ENTPD6: variants seen among roughly 807,000 people sequenced by gnomAD.
ENTPD6 encodes ectonucleoside triphosphate diphosphohydrolase 6, also known as CD39 antigen-like 2.
In ENTPD6, 46 loss-of-function variants were observed where a neutral mutation model predicts 61.5. The observed-to-expected ratio is 0.75, with a 90% CI of 0.59 to 0.96. The LOEUF (loss-of-function observed/expected upper bound fraction) is 0.96, where lower values mean the gene tolerates loss of function less well. Among genes scored for constraint, ENTPD6 ranks in the 40% least tolerant of loss-of-function variants. ENTPD6 has a pLI of 0.00. For missense variants in ENTPD6, 612 were observed against 629.0 expected (o/e 0.97, Z 0.29); for synonymous variants, 252 against 255.5 (o/e 0.99, Z 0.13).
intron 13 of ENTPD6, 68 bp from the exon 14 acceptor site, chr20:25,225,137 T>A (rs750410947): frequency 1.6e-5 from 24 of 1,547,040 alleles, no homozygotes; most frequent in Non-Finnish European, 2.1e-5. Flanking sequence ...GGAATTGGGG[T>A]CTGCACTTGC....
intron 4 of ENTPD6, among the ~76,000 whole-genome samples, chr20:25,211,401 C>G (rs1445748178): frequency 6.6e-6 from 1 of 152,200 alleles, no homozygotes; most frequent in Non-Finnish European, 1.5e-5. Context: ...AATGTCCACG[C>G]TCCCCAGGGT....
chr20:25,218,455 TC>T (rs1284361680), intron 9 of ENTPD6, 94 bp from the exon 10 acceptor site: 11 of 1,150,366 alleles, frequency 9.6e-6, no homozygotes, highest in Non-Finnish European at 1.3e-5. Context: ...TGCTGCAAGC[TC>T]CCCCTTCCCC....
chr20:25,227,910 G>A lies in ENTPD6; in HGVS notation c.*2313G>A, dbSNP rs1363669357. On this transcript the variant is annotated 3_prime_UTR_variant, in exon 15 of 15. Transcript: ENST00000376652. ...GCCATTCTGGCAGATTTAAAAAAAT[G>A]ATAACTGGTAGTTTTAATATGCATG... is the stretch of plus-strand genomic sequence containing the variant. 6.6e-6 allele frequency among the ~76,000 whole-genome samples: 1 copy of A among 152,240 alleles called. No individual in the cohort carries two copies. The highest frequency in any genetic ancestry group is 2.4e-5 in the African/African-American group (1 of 41,468).
intron 6 of ENTPD6, among the ~76,000 whole-genome samples, chr20:25,215,395 GCTT>G (rs965601551): frequency 9.9e-5 from 15 of 152,150 alleles, no homozygotes; most frequent in African/African-American, 3.6e-4. Flanking sequence ...TTCTTTTTCT[GCTT>G]CTTCCAAAAA....
intron 4 of ENTPD6, 100 bp downstream of exon 4, chr20:25,210,025 G>A: frequency 9.2e-7 from 1 of 1,083,950 alleles, no homozygotes; most frequent in Middle Eastern, 2.1e-4. Context: ...AAGGAAGGGG[G>A]CTTTGACAGT....
intron 1 of ENTPD6, among the ~76,000 whole-genome samples, chr20:25,203,010 C>A (rs1334459365): frequency 2.0e-5 from 3 of 152,190 alleles, no homozygotes; most frequent in African/African-American, 4.8e-5. Flanking sequence ...GTCTTAATTT[C>A]TCCCTCATTT....
chr20:25,217,554 A>G lies in ENTPD6; in HGVS notation c.851A>G (p.Asn284Ser), dbSNP rs149104894. Reference protein sequence around the residue: ...PGYLTALRMFNRTYKLYSYSY... With the variant: ...PGYLTALRMFSRTYKLYSYSY... ...TACCTGACGGCACTGCGGATGTTTA[A>G]CAGGACCTACAAGCTCTATTCCTAC... The change falls in exon 9 of 15, where the codon AAC becomes AGC. Residue 284 changes from asparagine to serine, a missense_variant. Physicochemically the swap from Asn to Ser is conservative, Grantham distance 46. Transcript: ENST00000376652. The G allele has an allele frequency of 1.5e-4, 242 of 1,614,110 alleles. No individual in the cohort carries two copies. The African/African-American group carries it at 2.9e-3, about 20-fold the overall frequency.
At chr20:25,220,909 T>A (rs953306920) in intron 10 of ENTPD6, among the ~76,000 whole-genome samples, 2 of 152,232 alleles carry the variant, frequency 1.3e-5, no homozygotes, top group Non-Finnish European at 2.9e-5. Flanking sequence ...ACTCACAGCC[T>A]CAGTCACCTA....
chr20:25,215,850 T>C (rs991389735), intron 7 of ENTPD6, 139 bp downstream of exon 7: 6 of 922,502 alleles, frequency 6.5e-6, no homozygotes, highest in Non-Finnish European at 1.0e-5. Flanking sequence ...TGACTGACCA[T>C]AGGGTGTTGG....
At chr20:25,215,586 C>T in intron 6 of ENTPD6, 90 bp from the exon 7 acceptor site, 1 of 1,343,750 alleles carries the variant, frequency 7.4e-7, no homozygotes, top group Non-Finnish European at 1.1e-6. Flanking sequence ...TTATGCTCCC[C>T]AGATCTGCAA....
rs1470473727 is a variant in ENTPD6 at position 25,209,849 on chromosome 20, A to T, written c.377A>T (p.Glu126Val). The T allele has an allele frequency of 1.2e-6, 2 of 1,613,592 alleles. No individual in the cohort carries two copies. The highest frequency in any genetic ancestry group is 1.7e-5 in the Admixed American group (1 of 60,030). Residue 126 changes from glutamate (E) to valine (V), a missense_variant and splice_region_variant, in exon 4 of 15, where the codon GAA becomes GTA. By Grantham distance (121) the Glu-to-Val change is moderately radical. Transcript: ENST00000376652. Reference sequence around the variant, plus strand: ...CCTTTTCAACATGTTTTCCCCTTAGAAACTCCCACGTTAACCCACGAAACC... The same window carrying T: ...CCTTTTCAACATGTTTTCCCCTTAGTAACTCCCACGTTAACCCACGAAACC... ...HVFQFTRPPR[E>V]TPTLTHETFK...
chr20:25,219,071 G>A (rs1482265873), intron 10 of ENTPD6, among the ~76,000 whole-genome samples: 2 of 152,194 alleles, frequency 1.3e-5, no homozygotes, highest in Non-Finnish European at 1.5e-5. Context: ...TAGTAGAGAC[G>A]GGGTTTCACC....
intron 8 of ENTPD6, 59 bp downstream of exon 8, chr20:25,216,795 G>A: frequency 7.4e-7 from 1 of 1,357,868 alleles, no homozygotes; most frequent in African/African-American, 1.4e-5. Context: ...CGCCATGGGG[G>A]TGCAGGGTGG....
intron 1 of ENTPD6, among the ~76,000 whole-genome samples, chr20:25,201,930 C>T (rs2091065342): frequency 6.6e-6 from 1 of 152,152 alleles, no homozygotes; most frequent in African/African-American, 2.4e-5. Context: ...GCTGCCCAGG[C>T]TGGTCTCAAA....
At chr20:25,198,993 G>A (rs1229846146) in intron 1 of ENTPD6, among the ~76,000 whole-genome samples, 1 of 152,114 alleles carries the variant, frequency 6.6e-6, no homozygotes, top group African/African-American at 2.4e-5. Flanking sequence ...CCAGTCCTGT[G>A]GCATCTATGA....
intron 1 of ENTPD6, among the ~76,000 whole-genome samples, chr20:25,203,760 T>C (rs1196703347): frequency 6.6e-6 from 1 of 152,266 alleles, no homozygotes; most frequent in Non-Finnish European, 1.5e-5. Context: ...GTTCTGCCAC[T>C]TCATTTTCTT....
At chr20:25,202,325 G>GT (rs1316499187) in intron 1 of ENTPD6, among the ~76,000 whole-genome samples, 1 of 152,056 alleles carries the variant, frequency 6.6e-6, no homozygotes, top group Non-Finnish European at 1.5e-5. Flanking sequence ...GTCAGGTCTT[G>GT]TTTTTTAATC....
At chr20:25,209,266 C>T (rs567634131) in intron 3 of ENTPD6, among the ~76,000 whole-genome samples, 3 of 152,050 alleles carry the variant, frequency 2.0e-5, no homozygotes, top group Admixed American at 6.5e-5. Context: ...CCCGCCACCA[C>T]GCCCAGCTAG....
At position 25,207,015 on chromosome 20, in the gene ENTPD6, G is replaced by GA; in HGVS notation, c.55-60dup. On this transcript the variant is annotated intron_variant, in intron 2 of 14. Coordinates refer to ENST00000376652, the MANE Select transcript of ENTPD6 (RefSeq NM_001247.5). ...TTTGTCCCTGGGCCTGGGGACGTCTGACTCTCCTTGGATCCTAGCACCCTA... is the reference window on the plus strand; with the variant it reads ...TTTGTCCCTGGGCCTGGGGACGTCTGAACTCTCCTTGGATCCTAGCACCCTA... The GA allele has an allele frequency of 5.4e-6, 8 of 1,479,842 alleles. No individual in the cohort carries two copies. The South Asian group carries it at 9.1e-5, about 17-fold the overall frequency. The allele number at this position is 1,479,842 out of a possible 1,614,324, so 91.7% of individuals were successfully genotyped here. A position where few individuals can be genotyped will look rare whatever the true frequency, so the allele number is the denominator to read the frequency against.
Sources: gnomAD v4.1 joint callset for allele counts (sites outside exome capture counted in the v4.1 genomes callset) on GRCh38, gnomAD v4.1.1 for gene constraint, MANE v1.5 for transcripts, NCBI Gene and HGNC (gene_info 2026-07-23, HGNC 2026-07-21) for gene names.